GPHN: variants seen among roughly 807,000 people sequenced by gnomAD.
GPHN encodes the protein gephyrin.
In GPHN, 17 loss-of-function variants were observed where a neutral mutation model predicts 95.5. The observed-to-expected ratio is 0.18, with a 90% CI of 0.12 to 0.27. GPHN has a LOEUF of 0.27. Among genes scored for constraint, GPHN ranks in the 10% least tolerant of loss-of-function variants. The pLI is 1.00. For synonymous variants in GPHN, 320 were observed against 322.5 expected (o/e 0.99, Z 0.08); for missense variants, 660 against 978.1 (o/e 0.67, Z 4.34).
intron 3 of GPHN, among the ~76,000 whole-genome samples, chr14:66,791,580 G>A (rs2059971115): frequency 6.6e-6 from 1 of 152,128 alleles, no homozygotes. Context: ...GACCATATAG[G>A]GTAATTTCTG....
chr14:67,659,764 T>G, the GPHN span: 2 of 1,613,716 alleles, frequency 1.2e-6, no homozygotes, highest in Non-Finnish European at 1.7e-6. Flanking sequence ...ATATGCCATA[T>G]TTCATGTCTC....
At chr14:67,145,916 C>A (rs1281659062) in intron 18 of GPHN, among the ~76,000 whole-genome samples, 1 of 152,164 alleles carries the variant, frequency 6.6e-6, no homozygotes, top group Non-Finnish European at 1.5e-5. Flanking sequence ...TTTTATTAAG[C>A]CACAACTGGA....
chr14:67,117,831 G>A (rs2078779913), intron 16 of GPHN, among the ~76,000 whole-genome samples: 1 of 152,130 alleles, frequency 6.6e-6, no homozygotes, highest in Non-Finnish European at 1.5e-5. Flanking sequence ...ACAAGGGCTG[G>A]AGTTAATCTA....
intron 2 of GPHN, among the ~76,000 whole-genome samples, chr14:66,760,143 T>C (rs951677436): frequency 2.0e-5 from 3 of 152,212 alleles, no homozygotes; most frequent in Non-Finnish European, 2.9e-5. Flanking sequence ...CGGTAGAATG[T>C]AAGATCCATG....
intron 3 of GPHN, among the ~76,000 whole-genome samples, chr14:66,808,280 T>C (rs548794450): frequency 6.6e-6 from 1 of 152,364 alleles, no homozygotes; most frequent in Admixed American, 6.5e-5. Flanking sequence ...ATTTTAGATA[T>C]GAATCCTTTG....
At chr14:67,421,183 G>A in the GPHN span, among the ~76,000 whole-genome samples, 6 of 152,170 alleles carry the variant, frequency 3.9e-5, no homozygotes, top group African/African-American at 9.7e-5. Context: ...AATGAAAACA[G>A]GCACAGGGCC....
chr14:66,792,280 A>T (rs1437965917), intron 3 of GPHN, among the ~76,000 whole-genome samples: 1 of 152,062 alleles, frequency 6.6e-6, no homozygotes, highest in Non-Finnish European at 1.5e-5. Context: ...TGACAGGAGG[A>T]TCACTTGAGA....
intron 21 of GPHN, among the ~76,000 whole-genome samples, chr14:67,171,720 A>C (rs1228346869): frequency 1.3e-5 from 2 of 152,218 alleles, no homozygotes; most frequent in African/African-American, 4.8e-5. Flanking sequence ...AAACTGAAGA[A>C]GAGCAGCAGA....
the GPHN span, among the ~76,000 whole-genome samples, chr14:67,310,062 CTT>C: frequency 0.16 from 23,111 of 143,730 alleles, 3,349 homozygotes; most frequent in East Asian, 0.43. Context: ...TGCTCAAGCA[CTT>C]TTTTTTTTTT....
chr14:66,895,404 T>G (rs943842719), intron 5 of GPHN, among the ~76,000 whole-genome samples: 1 of 152,164 alleles, frequency 6.6e-6, no homozygotes, highest in Non-Finnish European at 1.5e-5. Flanking sequence ...ATATACCTAA[T>G]GTAAATGACG....
intron 17 of GPHN, among the ~76,000 whole-genome samples, chr14:67,131,123 T>A (rs555352496): frequency 6.6e-6 from 1 of 152,216 alleles, no homozygotes; most frequent in Admixed American, 6.5e-5. Flanking sequence ...CTGAATGCTA[T>A]ATGTGCTAGC....
chr14:67,350,265 C>CA, the GPHN span, among the ~76,000 whole-genome samples: 2 of 151,340 alleles, frequency 1.3e-5, no homozygotes, highest in Non-Finnish European at 2.9e-5. Flanking sequence ...CCTAATATTC[C>CA]AAAAAACTGA....
At chr14:67,596,006 T>C in the GPHN span, among the ~76,000 whole-genome samples, 4,086 of 152,328 alleles carry the variant, frequency 0.027, 152 homozygotes, top group African/African-American at 0.087. Flanking sequence ...ATGGTGTCTA[T>C]TATTTATTCC....
intron 1 of GPHN, among the ~76,000 whole-genome samples, chr14:66,670,144 G>A (rs1283905604): frequency 2.0e-5 from 3 of 152,086 alleles, no homozygotes; most frequent in Non-Finnish European, 4.4e-5. Context: ...GGTGGGAGTC[G>A]GGTTTTTTAC....
intron 9 of GPHN, among the ~76,000 whole-genome samples, chr14:66,977,176 A>G (rs1163564750): frequency 2.6e-5 from 4 of 152,176 alleles, no homozygotes; most frequent in African/African-American, 9.7e-5. Context: ...TCATGCCTGT[A>G]ATCCCAGTAC....
In GPHN at chr14:66,808,658, G is replaced by A. The variant is rs548734536; in HGVS notation, c.202-15816G>A. 8.5e-5 allele frequency among the ~76,000 whole-genome samples: 13 copies of A among 152,282 alleles called. No homozygotes were observed. The South Asian group carries it at 2.3e-3, about 27-fold the overall frequency. On this transcript the variant is annotated intron_variant, in intron 3 of 22. Coordinates refer to ENST00000478722, the MANE Select transcript of GPHN (RefSeq NM_020806.5). ...ATAAAAATACAAAAATTAGCCGTGC[G>A]TGGTGGCCTGTGCCTGTAATTGCAG...
chr14:67,191,644 A>G, the GPHN span, among the ~76,000 whole-genome samples: 1 of 152,234 alleles, frequency 6.6e-6, no homozygotes, highest in African/African-American at 2.4e-5. Context: ...ATCTAAGAAT[A>G]GTAGTTCTCA....
chr14:67,552,281 G>A, the GPHN span, among the ~76,000 whole-genome samples: 1 of 152,156 alleles, frequency 6.6e-6, no homozygotes, highest in Admixed American at 6.5e-5. Context: ...AGCCAAATAA[G>A]GGTTCTATAG....
intron 16 of GPHN, among the ~76,000 whole-genome samples, chr14:67,118,508 A>C (rs1332505982): frequency 1.3e-5 from 2 of 152,106 alleles, no homozygotes; most frequent in African/African-American, 4.8e-5. Flanking sequence ...GGTGGATCAC[A>C]AGGTCAGGAA....
Sources: allele counts gnomAD v4.1 joint callset (sites outside exome capture counted in the v4.1 genomes callset), GRCh38; gene constraint gnomAD v4.1.1; transcripts MANE v1.5; gene names NCBI Gene and HGNC (gene_info 2026-07-23, HGNC 2026-07-21).